Variants in AKAP9 observed in about 807,000 individuals in gnomAD.
AKAP9 encodes the protein A-kinase anchoring protein 9.
Under a neutral mutation model 488.5 loss-of-function variants are expected in AKAP9, and 311 were observed. That is an observed-to-expected ratio of 0.64 (90% CI 0.58 to 0.70). AKAP9 has a LOEUF of 0.70. Among genes scored for constraint, AKAP9 ranks in the 30% least tolerant of loss-of-function variants. The pLI is 0.00. For synonymous variants in AKAP9, 1,462 were observed against 1,483.5 expected (o/e 0.99, Z 0.33); for missense variants, 4,215 against 4,374.5 (o/e 0.96, Z 1.03).
intron 2 of AKAP9, among the ~76,000 whole-genome samples, chr7:91,976,421 C>T (rs985142568): frequency 6.6e-6 from 1 of 152,086 alleles, no homozygotes; most frequent in African/African-American, 2.4e-5. Context: ...CGGAGTTTTG[C>T]CATGTTGCCC....
chr7:91,960,675 C>T (rs1189786528), intron 1 of AKAP9, among the ~76,000 whole-genome samples: 2 of 152,088 alleles, frequency 1.3e-5, no homozygotes, highest in African/African-American at 4.8e-5. Context: ...ATTTGTTTTT[C>T]CCACCTGTAT....
intron 1 of AKAP9, among the ~76,000 whole-genome samples, chr7:91,965,760 A>G (rs1182518634): frequency 3.9e-5 from 6 of 152,172 alleles, no homozygotes; most frequent in African/African-American, 1.4e-4. Context: ...GGTGGTTTTG[A>G]TTTGCAATTC....
At chr7:91,993,118 T>TAATA in intron 5 of AKAP9, 63 bp downstream of exon 5, 2 of 1,576,642 alleles carry the variant, frequency 1.3e-6, no homozygotes, top group Middle Eastern at 1.7e-4. Context: ...GAAATGTGAA[T>TAATA]AATAGTAGTC....
intron 3 of AKAP9, among the ~76,000 whole-genome samples, chr7:91,991,864 T>C (rs1486867973): frequency 6.6e-6 from 1 of 152,226 alleles, no homozygotes; most frequent in Non-Finnish European, 1.5e-5. Context: ...TATTGAGGTT[T>C]ATACTTCTGA....
Position 92,095,150 on chromosome 7 carries a change from G to A in AKAP9, c.9706G>A (p.Glu3236Lys). ...KEKAKLGRSE[E>K]RDKEELEDLK... is the part of the protein sequence containing the mutation. ...GAAAGCCAAGTTGGGACGCAGTGAA[G>A]AACGGGATAAAGAAGAACTTGAGGT... The change falls in exon 40 of 50, where the codon GAA becomes AAA. Residue 3236 changes from glutamate to lysine, a missense_variant. By Grantham distance (56) the Glu-to-Lys change is moderately conservative. Coordinates refer to ENST00000356239, the MANE Select transcript of AKAP9 (RefSeq NM_005751.5). 5 of 1,614,180 alleles carry A rather than the reference G, an allele frequency of 3.1e-6. No individual in the cohort carries two copies. Among genetic ancestry groups the A allele is most frequent in the Non-Finnish European group, 4.2e-6 (5 of 1,180,024 alleles).
chr7:92,065,509 C>A lies in AKAP9; in HGVS notation c.6210+46C>A, dbSNP rs1263446735. The A allele has an allele frequency of 7.4e-6, 10 of 1,350,650 alleles. No homozygotes were observed. In the Admixed American group the frequency reaches 8.9e-5, roughly 12 times the overall value. The allele number at this position is 1,350,650 out of a possible 1,614,324, so 83.7% of individuals were successfully genotyped here. A position where few individuals can be genotyped will look rare whatever the true frequency, so the allele number is the denominator to read the frequency against. ...TACTGATTTTTCTCAGTGGAATGTT[C>A]TTTGCTAGTATACTAGGCTATGAAT... On this transcript the variant is annotated intron_variant, in intron 25 of 49. Coordinates refer to ENST00000356239, the MANE Select transcript of AKAP9 (RefSeq NM_005751.5).
chr7:92,062,536 T>C, intron 24 of AKAP9, 50 bp downstream of exon 24: 2 of 1,530,336 alleles, frequency 1.3e-6, no homozygotes, highest in Non-Finnish European at 1.8e-6. Context: ...TTTATTTGTA[T>C]TCTTCAAAGG....
chr7:92,069,997 TTTAAA>T lies in AKAP9; in HGVS notation c.6331-25_6331-21del, dbSNP rs1190398331. 1.9e-6 allele frequency: 3 copies of T among 1,598,888 alleles called. No individual in the cohort carries two copies. In the African/African-American group the frequency reaches 4.1e-5, roughly 22 times the overall value. On this transcript the variant is annotated intron_variant, in intron 26 of 49. Transcript: ENST00000356239. The stretch of plus-strand genomic sequence containing the variant: ...TACTAACTAGCTTGCTGAAATTTTT[TTTAAA>T]TTAAATTTTTTGCCTCTTATATTTC...
chr7:92,042,542 G>T, intron 19 of AKAP9, 126 bp from the exon 20 acceptor site: 1 of 683,090 alleles, frequency 1.5e-6, no homozygotes, highest in Non-Finnish European at 2.5e-6. Context: ...ATACCAACCA[G>T]TATCAATTTT....
chr7:92,004,216 A>G (rs970034026), intron 8 of AKAP9, among the ~76,000 whole-genome samples: 1 of 152,162 alleles, frequency 6.6e-6, no homozygotes, highest in East Asian at 1.9e-4. Context: ...GCCTTGTAGT[A>G]TAGTTTGAAG....
chr7:91,976,435 C>T (rs1795701632), intron 2 of AKAP9, among the ~76,000 whole-genome samples: 1 of 152,034 alleles, frequency 6.6e-6, no homozygotes, highest in Non-Finnish European at 1.5e-5. Context: ...GTTGCCCAGG[C>T]TTGTCTTGAA....
intron 1 of AKAP9, among the ~76,000 whole-genome samples, chr7:91,968,509 G>T (rs1437312333): frequency 6.6e-6 from 1 of 152,028 alleles, no homozygotes; most frequent in African/African-American, 2.4e-5. Flanking sequence ...ATAGCTAAAG[G>T]TTTGTTGATT....
At chr7:92,101,141 C>T (rs1050899561) in intron 45 of AKAP9, 85 bp downstream of exon 45, 2 of 1,387,070 alleles carry the variant, frequency 1.4e-6, no homozygotes, top group Non-Finnish European at 2.0e-6. Flanking sequence ...AATAAACAGT[C>T]TAAAGAAATT....
Position 92,097,133 on chromosome 7 carries a change from C to A in AKAP9, c.10174C>A (p.Gln3392Lys). Residue 3392 changes from glutamine to lysine, a missense_variant, in exon 41 of 50, where the codon CAG becomes AAG. Gln to Lys is a moderately conservative substitution (Grantham distance 53). Transcript: ENST00000356239. ...TAGGCAGGTTCACAGGAAAACACTG[C>A]AGACAGAACAGGAGGCCAACACTGA... Reference protein sequence around the residue: ...KDRQVHRKTLQTEQEANTEGQ... With the variant: ...KDRQVHRKTLKTEQEANTEGQ... 1 of 1,614,222 alleles carries A rather than the reference C, an allele frequency of 6.2e-7. No homozygotes were observed. Among genetic ancestry groups the A allele is most frequent in the South Asian group, 1.1e-5 (1 of 91,080 alleles).
rs1811589512 is a variant in AKAP9 at position 92,070,776 on chromosome 7, T to A, written c.6508-129T>A. On this transcript the variant is annotated intron_variant, in intron 27 of 49. Transcript: ENST00000356239. The stretch of plus-strand genomic sequence containing the variant: ...ACTAATTAGAAGTAGACTTTCTACT[T>A]CTAATTGGAGAAACAGGATTGCTGC... 5.9e-6 allele frequency: 4 copies of A among 679,676 alleles called. No individual in the cohort carries two copies. In the East Asian group the frequency reaches 1.1e-4, roughly 19 times the overall value. 42.1% of individuals were successfully genotyped at this position (679,676 alleles called of 1,614,324 possible).
chr7:92,012,215 A>G (rs11976283), intron 8 of AKAP9, among the ~76,000 whole-genome samples: 1 of 152,210 alleles, frequency 6.6e-6, no homozygotes, highest in East Asian at 1.9e-4. Context: ...CAAATATCAC[A>G]ATTTAGTATA....
intron 2 of AKAP9, among the ~76,000 whole-genome samples, chr7:91,977,088 G>A (rs936788560): frequency 6.6e-5 from 10 of 151,910 alleles, no homozygotes; most frequent in Non-Finnish European, 1.5e-4. Context: ...GGGATATTCT[G>A]TCTTTACAAA....
rs1167742338 is a variant in AKAP9, at chr7:91,973,719, G to A, written c.57G>A (p.Gln19=). Residue 19 remains glutamine (Q), a synonymous_variant, in exon 2 of 50, where the codon CAG becomes CAA. Transcript: ENST00000356239. ...ATTTTCTTTTTTCTTAGCTTGCCCA[G>A]TTTCGACAAAGAAAAGCTCAGTCGG... ...KLEAGKAKLA[Q]FRQRKAQSDG... 2 of 1,613,546 alleles carry A rather than the reference G, an allele frequency of 1.2e-6. No individual in the cohort carries two copies. Among genetic ancestry groups the A allele is most frequent in the Non-Finnish European group, 1.7e-6 (2 of 1,179,892 alleles).
intron 7 of AKAP9, among the ~76,000 whole-genome samples, chr7:91,998,063 G>A (rs968087108): frequency 2.4e-4 from 37 of 152,112 alleles, no homozygotes; most frequent in Admixed American, 5.2e-4. Context: ...GTTTTGGGAT[G>A]ACATCAGGCA....
Sources: gnomAD v4.1 joint callset for allele counts (sites outside exome capture counted in the v4.1 genomes callset) on GRCh38, gnomAD v4.1.1 for gene constraint, MANE v1.5 for transcripts, NCBI Gene and HGNC (gene_info 2026-07-23, HGNC 2026-07-21) for gene names.